The following DYNLL1 variants were observed in gnomAD, a reference collection of about 807,000 sequenced individuals.
DYNLL1 encodes the protein dynein light chain 1, cytoplasmic.
A neutral mutation model predicts 10.1 loss-of-function variants in DYNLL1; 3 were observed. The observed-to-expected ratio is 0.30, with a 90% CI of 0.14 to 0.77. DYNLL1 has a LOEUF of 0.77. Among genes scored for constraint, DYNLL1 ranks in the 30% least tolerant of loss-of-function variants. DYNLL1 has a pLI of 0.66. For missense variants in DYNLL1, 47 were observed against 111.7 expected, an observed-to-expected ratio of 0.42 and a Z score of 2.61; for synonymous variants, 46 against 41.2, an observed-to-expected ratio of 1.12 and a Z score of -0.45.
At chr12:120,474,011 A>G (rs1036946512) in intron 1 of DYNLL1, among the ~76,000 whole-genome samples, 2 of 151,118 alleles carry the variant, frequency 1.3e-5, no homozygotes, top group African/African-American at 4.9e-5. Context: ...CCCAAATAGG[A>G]GAGAGAGTAG....
intron 2 of DYNLL1, chr12:120,497,856 C>T (rs760835300): frequency 9.8e-5 from 54 of 548,688 alleles, no homozygotes; most frequent in Non-Finnish European, 1.5e-4. Context: ...CGTCCTTTGA[C>T]CTCCTCAGCC....
upstream of DYNLL1, chr12:120,491,924 T>C (rs1156393750): frequency 6.6e-6 from 1 of 152,250 alleles, no homozygotes; most frequent in Non-Finnish European, 1.5e-5. Context: ...GGGCCGACGA[T>C]GCTTAGTGTC....
At chr12:120,476,936 G>T (rs1365040453) in intron 1 of DYNLL1, among the ~76,000 whole-genome samples, 4 of 143,664 alleles carry the variant, frequency 2.8e-5, no homozygotes, top group South Asian at 2.2e-4. Flanking sequence ...TGTTTTTTTT[G>T]TTTTTTTTTT....
chr12:120,496,177 C>G lies in DYNLL1; in HGVS notation c.-46C>G, dbSNP rs1405758613. 4.9e-6 allele frequency: 3 copies of G among 614,914 alleles called. No homozygotes were observed. Among genetic ancestry groups the G allele is most frequent in the Admixed American group, 3.0e-5 (1 of 33,594 alleles). 38.1% of individuals were successfully genotyped at this position (614,914 alleles called of 1,614,324 possible). On this transcript the variant is annotated 5_prime_UTR_variant, in exon 1 of 3. Transcript: ENST00000242577. ...GGGCCTGAGCTGTGCTAGCACCTCCCCCAGGAGACCGTTGCAGTCGGCCAG... is the reference window on the plus strand; with the variant it reads ...GGGCCTGAGCTGTGCTAGCACCTCCGCCAGGAGACCGTTGCAGTCGGCCAG...
intron 1 of DYNLL1, among the ~76,000 whole-genome samples, chr12:120,479,016 T>C (rs1019403856): frequency 1.4e-5 from 2 of 147,398 alleles, no homozygotes; most frequent in Non-Finnish European, 1.5e-5. Context: ...ATACAAAAAT[T>C]AGCTGGGCAT....
chr12:120,470,267 G>A (rs1363887509), intron 1 of DYNLL1, among the ~76,000 whole-genome samples: 1 of 152,108 alleles, frequency 6.6e-6, no homozygotes, highest in Non-Finnish European at 1.5e-5. Context: ...CATCCGACTT[G>A]TGCTTTTCAT....
intron 1 of DYNLL1, among the ~76,000 whole-genome samples, chr12:120,472,726 T>G (rs1253900398): frequency 6.6e-6 from 1 of 152,216 alleles, no homozygotes; most frequent in Non-Finnish European, 1.5e-5. Context: ...TTGTGCAATG[T>G]CCTGCAGCAT....
intron 1 of DYNLL1, 68 bp from the exon 2 acceptor site, chr12:120,496,348 G>T: frequency 3.1e-6 from 5 of 1,599,210 alleles, no homozygotes; most frequent in Non-Finnish European, 3.4e-6. Context: ...CGCCGGCCGG[G>T]GTGGGGGCAG....
upstream of DYNLL1, among the ~76,000 whole-genome samples, chr12:120,492,324 A>G (rs1879152657): frequency 6.6e-6 from 1 of 152,188 alleles, no homozygotes; most frequent in Admixed American, 6.5e-5. This position sits in a 1 kb window ranked among gnomAD's most constrained non-coding sequence, Gnocchi z 4.1. Context: ...TTTAAAAATC[A>G]GGAACCTACG....
chr12:120,482,383 C>T (rs1293225626), intron 1 of DYNLL1, among the ~76,000 whole-genome samples: 6 of 151,434 alleles, frequency 4.0e-5, no homozygotes, highest in African/African-American at 1.5e-4. Flanking sequence ...AGTGCAGTGG[C>T]GCCATCTCGG....
chr12:120,474,788 C>A lies in DYNLL1; in HGVS notation c.-7+4684C>A, dbSNP rs559143965. 1.1e-4 allele frequency among the ~76,000 whole-genome samples: 16 copies of A among 152,234 alleles called. No individual in the cohort carries two copies. In the East Asian group the frequency reaches 2.3e-3, roughly 22 times the overall value. On this transcript the variant is annotated intron_variant, in intron 1 of 2. Coordinates refer to the DYNLL1 transcript ENST00000392509. Reference sequence around the variant, plus strand: ...AGAGAGGAAGTGATGGGGGAGTAGACCATCTGAGAAGATGAGGAACTGGTC... The same window carrying A: ...AGAGAGGAAGTGATGGGGGAGTAGAACATCTGAGAAGATGAGGAACTGGTC...
In DYNLL1 at chr12:120,496,488, G is replaced by A; in HGVS notation, c.67G>A (p.Glu23Lys). The A allele has an allele frequency of 6.2e-7, 1 of 1,614,244 alleles. No homozygotes were observed. Among genetic ancestry groups the A allele is most frequent in the Non-Finnish European group, 8.5e-7 (1 of 1,180,048 alleles). Residue 23 changes from glutamate to lysine, a missense_variant, in exon 2 of 3, where the codon GAG becomes AAG. Glu to Lys is a moderately conservative substitution (Grantham distance 56). Coordinates refer to ENST00000242577, the MANE Select transcript of DYNLL1 (RefSeq NM_003746.3). ...GGAAGAGATGCAACAGGACTCGGTG[G>A]AGTGCGCTACTCAGGCGCTGGAGAA... is the stretch of plus-strand genomic sequence containing the variant. ...MSEEMQQDSVECATQALEKYN... is the reference protein window; with the variant it reads ...MSEEMQQDSVKCATQALEKYN...
At chr12:120,495,033 G>C (rs773854002), upstream of DYNLL1, among the ~76,000 whole-genome samples, 14 of 152,168 alleles carry the variant, frequency 9.2e-5, no homozygotes, top group Non-Finnish European at 1.9e-4. Context: ...ACAAGCGTAT[G>C]AACTGGTTTC....
At chr12:120,478,252 C>A (rs1565920609) in intron 1 of DYNLL1, among the ~76,000 whole-genome samples, 1 of 151,938 alleles carries the variant, frequency 6.6e-6, no homozygotes, top group Non-Finnish European at 1.5e-5. Context: ...GGATTACAGG[C>A]ATGCGCCACC....
chr12:120,493,406 G>A (rs991665070), upstream of DYNLL1, among the ~76,000 whole-genome samples: 1 of 151,704 alleles, frequency 6.6e-6, no homozygotes, highest in African/African-American at 2.4e-5. Flanking sequence ...GCATGGTGGT[G>A]TGCACCTGTA....
intron 1 of DYNLL1, among the ~76,000 whole-genome samples, chr12:120,479,461 AAAAAAAAAATAAT>A (rs1200644461): frequency 5.4e-5 from 7 of 130,236 alleles, no homozygotes; most frequent in African/African-American, 1.5e-4. Context: ...AAAAAAAAAA[AAAAAAAAAATAAT>A]AATAATAATA....
chr12:120,470,380 C>T (rs1387270991), intron 1 of DYNLL1, among the ~76,000 whole-genome samples: 1 of 152,048 alleles, frequency 6.6e-6, no homozygotes, highest in Non-Finnish European at 1.5e-5. Flanking sequence ...AGGTAGACAC[C>T]CACCTTGGCA....
At chr12:120,496,724 G>C in intron 2 of DYNLL1, 171 bp downstream of exon 2, 2 of 914,768 alleles carry the variant, frequency 2.2e-6, no homozygotes, top group Non-Finnish European at 3.2e-6. Context: ...GAGAAGACCA[G>C]ACCCCCGGCG....
chr12:120,482,326 ATT>A lies in DYNLL1; in HGVS notation c.-7+12235_-7+12236del, dbSNP rs11352199. The stretch of plus-strand genomic sequence containing the variant: ...CAAAGGTACTAGATTTGCCAAAACA[ATT>A]TTTTTTTTTTTTGAGATGGAGTCGC... On this transcript the variant is annotated intron_variant, in intron 1 of 2. Transcript: ENST00000392509. Among the ~76,000 whole-genome samples, 545 of 147,334 alleles carry A rather than the reference ATT, an allele frequency of 3.7e-3. 24 individuals are homozygous for A. The East Asian group carries it at 0.081, about 22-fold the overall frequency.
Sources: gnomAD v4.1 joint callset for allele counts (sites outside exome capture counted in the v4.1 genomes callset) on GRCh38, gnomAD v4.1.1 for gene constraint, Gnocchi (gnomAD v3.1) non-coding constraint, MANE v1.5 for transcripts, NCBI Gene and HGNC (gene_info 2026-07-23, HGNC 2026-07-21) for gene names.